The following PSIP1 variants were observed in gnomAD, a reference collection of about 807,000 sequenced individuals.
PSIP1 encodes PC4 and SFRS1-interacting protein.
A neutral mutation model predicts 74.7 loss-of-function variants in PSIP1; 19 were observed. The ratio of observed to expected loss-of-function variants is 0.25; its 90% CI spans 0.18 to 0.37. The LOEUF is 0.37. Ranked by LOEUF, PSIP1 falls within the 10% of genes least tolerant of loss-of-function variation. The pLI, the probability that PSIP1 is intolerant of heterozygous loss-of-function variation, is 1.00. For missense variants in PSIP1, 601 were observed against 614.3 expected (o/e 0.98, Z 0.23); for synonymous variants, 222 against 195.3 (o/e 1.14, Z -1.14).
chr9:15,476,324 A>T (rs1489856795), intron 8 of PSIP1, among the ~76,000 whole-genome samples: 1 of 152,222 alleles, frequency 6.6e-6, no homozygotes, highest in Non-Finnish European at 1.5e-5. Context: ...GGAGACTGGA[A>T]ACCCTAATAC....
intron 4 of PSIP1, among the ~76,000 whole-genome samples, chr9:15,488,209 G>A (rs901269217): frequency 1.3e-5 from 2 of 152,004 alleles, no homozygotes; most frequent in Non-Finnish European, 2.9e-5. Context: ...AAGCGCACAC[G>A]TAATCCCAGC....
intron 2 of PSIP1, 108 bp from the exon 3 acceptor site, chr9:15,506,745 C>T (rs1190978712): frequency 9.8e-6 from 8 of 818,966 alleles, no homozygotes; most frequent in East Asian, 5.5e-5. Context: ...ATAAAATGGG[C>T]CAGTTCTGCA....
At chr9:15,494,028 T>C (rs931148757) in intron 3 of PSIP1, among the ~76,000 whole-genome samples, 3 of 152,172 alleles carry the variant, frequency 2.0e-5, no homozygotes, top group Non-Finnish European at 4.4e-5. Context: ...CGTAAGTATG[T>C]TGATAATTTT....
intron 3 of PSIP1, among the ~76,000 whole-genome samples, chr9:15,500,543 C>G (rs989811035): frequency 1.3e-5 from 2 of 152,048 alleles, no homozygotes; most frequent in African/African-American, 4.8e-5. Context: ...CATACAAGTC[C>G]CACACCAATA....
In PSIP1 at chr9:15,465,402, A is replaced by T. The variant is rs2035549457; in HGVS notation, c.*118T>A. ...TTAAAACAAAGGGATTTTCTCCCTC[A>T]AAACAAGTTTTCAACATCAAACCTA... is the stretch of plus-strand genomic sequence containing the variant. On this transcript the variant is annotated 3_prime_UTR_variant, in exon 16 of 16. Coordinates refer to ENST00000380733, the MANE Select transcript of PSIP1 (RefSeq NM_033222.5). 1 of 895,556 alleles carries T rather than the reference A, an allele frequency of 1.1e-6. No individual in the cohort carries two copies. The highest frequency in any genetic ancestry group is 1.7e-5 in the African/African-American group (1 of 57,838). 55.5% of individuals were successfully genotyped at this position (895,556 alleles called of 1,614,324 possible).
At chr9:15,501,761 C>A (rs536009647) in intron 3 of PSIP1, among the ~76,000 whole-genome samples, 1 of 150,296 alleles carries the variant, frequency 6.7e-6, no homozygotes, top group African/African-American at 2.5e-5. Context: ...CCTCCGTATC[C>A]GTAAGACTGT....
At chr9:15,483,067 CT>C (rs2036405887) in intron 6 of PSIP1, among the ~76,000 whole-genome samples, 1 of 152,178 alleles carries the variant, frequency 6.6e-6, no homozygotes, top group South Asian at 2.1e-4. Flanking sequence ...CTTTCCCCCT[CT>C]CCATTATATT....
chr9:15,491,020 G>A (rs1047203952), intron 3 of PSIP1, among the ~76,000 whole-genome samples: 4 of 152,074 alleles, frequency 2.6e-5, no homozygotes, highest in African/African-American at 9.7e-5. Context: ...TGCTCCTAGG[G>A]GAAATACAGG....
chr9:15,485,640 T>C (rs1478728510), intron 6 of PSIP1, among the ~76,000 whole-genome samples: 1 of 152,214 alleles, frequency 6.6e-6, no homozygotes, highest in Non-Finnish European at 1.5e-5. Flanking sequence ...ACAACACTTA[T>C]ATAACACTTA....
intron 2 of PSIP1, 41 bp downstream of exon 2, chr9:15,510,069 TGGAGAGG>T (rs1563905916): frequency 6.5e-7 from 1 of 1,542,270 alleles, no homozygotes; most frequent in Non-Finnish European, 8.9e-7. Context: ...AGCAGGCCTC[TGGAGAGG>T]AGGGTAGCAC....
In PSIP1 at chr9:15,506,680, A is replaced by G. The variant is rs113139207; in HGVS notation, c.73-43T>C. On this transcript the variant is annotated intron_variant, in intron 2 of 15. Coordinates refer to ENST00000380733, the MANE Select transcript of PSIP1 (RefSeq NM_033222.5). ...AAAATTAAAATATTTTAAATCATAC[A>G]CACCTCAACATTTATCTGAATAAAC... is the stretch of plus-strand genomic sequence containing the variant. The G allele has an allele frequency of 3.1e-4, 437 of 1,388,700 alleles. 2 individuals carry two copies. The African/African-American group carries it at 5.0e-3, about 16-fold the overall frequency. 86.0% of individuals were successfully genotyped at this position (1,388,700 alleles called of 1,614,324 possible).
rs1166025121 is a variant in PSIP1 at position 15,472,753 on chromosome 9, G to A, written c.859-3C>T. ...AAGTTCCTCCCACCTTTTCTCTTCTGTTTTGAGAATTAGGATGGTTTTATT... is the reference window on the plus strand; with the variant it reads ...AAGTTCCTCCCACCTTTTCTCTTCTATTTTGAGAATTAGGATGGTTTTATT... On this transcript the variant is annotated splice_polypyrimidine_tract_variant and splice_region_variant and intron_variant, in intron 9 of 15. Transcript: ENST00000380733. 4 of 1,600,332 alleles carry A rather than the reference G, an allele frequency of 2.5e-6. No individual in the cohort carries two copies. The highest frequency in any genetic ancestry group is 1.4e-5 in the African/African-American group (1 of 73,876).
intron 6 of PSIP1, among the ~76,000 whole-genome samples, chr9:15,480,202 G>C (rs2036274891): frequency 1.3e-5 from 2 of 152,114 alleles, no homozygotes; most frequent in African/African-American, 2.4e-5. Context: ...CCCCAAATGA[G>C]AATCAGTATT....
At chr9:15,509,817 T>C (rs550084355) in intron 2 of PSIP1, among the ~76,000 whole-genome samples, 2 of 152,340 alleles carry the variant, frequency 1.3e-5, no homozygotes, top group South Asian at 2.1e-4. Flanking sequence ...AAATTCACTC[T>C]TCATTATTTC....
In PSIP1 at chr9:15,478,487, C is replaced by A; in HGVS notation, c.619G>T (p.Glu207Ter). Residue 207 changes from glutamate (E) to a stop codon, truncating the protein, a stop_gained, in exon 8 of 16, where the codon GAG (glutamate) becomes TAG (stop). Coordinates refer to ENST00000380733, the MANE Select transcript of PSIP1 (RefSeq NM_033222.5). LOFTEE classifies it high-confidence loss of function. ...PKMVKQPCPSESDIITEEDKS... is the reference protein window; with the variant it reads ...PKMVKQPCPS ...TAAAAATAAACTCACATGTCACTCT[C>A]TGAAGGACAGGGCTGTTTTACCATT... is the stretch of plus-strand genomic sequence containing the variant. The A allele has an allele frequency of 6.3e-7, 1 of 1,590,638 alleles. No homozygotes were observed. The highest frequency in any genetic ancestry group is 8.6e-7 in the Non-Finnish European group (1 of 1,159,410).
intron 2 of PSIP1, among the ~76,000 whole-genome samples, chr9:15,507,567 AAC>A (rs1315170011): frequency 2.0e-5 from 3 of 152,162 alleles, no homozygotes; most frequent in Non-Finnish European, 4.4e-5. Flanking sequence ...GAACCTGGGC[AAC>A]AGAGGTTGCA....
intron 3 of PSIP1, among the ~76,000 whole-genome samples, chr9:15,504,581 CA>C (rs1211932906): frequency 1.3e-5 from 2 of 151,774 alleles, no homozygotes; most frequent in African/African-American, 4.8e-5. Flanking sequence ...ACTAAAAATA[CA>C]AAAAATTAGC....
intron 8 of PSIP1, among the ~76,000 whole-genome samples, chr9:15,475,088 C>T (rs1420073149): frequency 1.3e-5 from 2 of 152,198 alleles, no homozygotes; most frequent in Admixed American, 1.3e-4. Flanking sequence ...CCATTAACCT[C>T]TTTCCAGACA....
chr9:15,499,124 C>G (rs915417346), intron 3 of PSIP1, among the ~76,000 whole-genome samples: 1 of 152,178 alleles, frequency 6.6e-6, no homozygotes, highest in Non-Finnish European at 1.5e-5. Context: ...CTGACTCAGG[C>G]AAGGTCACCT....
Sources: gnomAD v4.1 joint callset for allele counts (sites outside exome capture counted in the v4.1 genomes callset) on GRCh38, gnomAD v4.1.1 for gene constraint, MANE v1.5 for transcripts, NCBI Gene and HGNC (gene_info 2026-07-23, HGNC 2026-07-21) for gene names.